Variants in MFN2 observed in about 807,000 individuals in gnomAD.
MFN2 encodes mitofusin-2.
MFN2 carries 43 observed loss-of-function variants against 87.5 expected under a neutral mutation model. The observed-to-expected ratio is 0.49, with a 90% CI of 0.38 to 0.63. MFN2 has a LOEUF of 0.63. Ranked by LOEUF, MFN2 falls within the 30% of genes least tolerant of loss-of-function variation. MFN2 has a pLI of 0.00. For synonymous variants in MFN2, 337 were observed against 359.9 expected (o/e 0.94, Z 0.72); for missense variants, 743 against 972.8 (o/e 0.76, Z 3.14).
chr1:12,005,372 C>T (rs889386477), intron 14 of MFN2, among the ~76,000 whole-genome samples: 10 of 152,248 alleles, frequency 6.6e-5, no homozygotes, highest in Non-Finnish European at 8.8e-5. Context: ...CATGAGCCAC[C>T]GGCCCTGGCC....
At chr1:12,008,579 C>T (rs1218182002) in intron 17 of MFN2, among the ~76,000 whole-genome samples, 3 of 151,434 alleles carry the variant, frequency 2.0e-5, no homozygotes, top group African/African-American at 4.9e-5. Context: ...GGGCGGCTGC[C>T]GGGCAGAGAC....
chr1:12,000,032 G>T (rs1639102985), intron 8 of MFN2, among the ~76,000 whole-genome samples: 2 of 151,848 alleles, frequency 1.3e-5, no homozygotes, highest in African/African-American at 4.8e-5. Context: ...GGGAGGTGGA[G>T]CTTGCAGTGA....
intron 2 of MFN2, among the ~76,000 whole-genome samples, 190 bp from the exon 3 acceptor site, chr1:11,988,975 T>G (rs1202601700): frequency 6.6e-6 from 1 of 152,084 alleles, no homozygotes; most frequent in African/African-American, 2.4e-5. Context: ...GTTCTGAGAT[T>G]ACAGGGGTGA....
rs1638734576 is a variant in MFN2 at position 11,992,562 on chromosome 1, C to T, written c.183C>T (p.Tyr61=). 2.5e-6 allele frequency: 4 copies of T among 1,614,202 alleles called. No homozygotes were observed. Among genetic ancestry groups the T allele is most frequent in the Non-Finnish European group, 3.4e-6 (4 of 1,180,038 alleles). The change falls in exon 4 of 19, where the codon TAC becomes TAT. Residue 61 remains tyrosine, a synonymous_variant. Coordinates refer to ENST00000235329, the MANE Select transcript of MFN2 (RefSeq NM_014874.4). ...QESATFLEDT[Y]RNAELDPVTT... is the part of the protein sequence containing the mutation. The stretch of plus-strand genomic sequence containing the variant: ...TTCAATCCCCACCTCCAGACACGTA[C>T]AGGAATGCAGAACTGGACCCCGTTA...
rs1355374188 is a variant in MFN2 at position 12,012,881 on chromosome 1, C to T, written c.*1316C>T. The T allele has an allele frequency of 6.5e-6, 1 of 153,522 alleles. No homozygotes were observed. The allele number at this position is 153,522 out of a possible 1,614,324, so 9.5% of individuals were successfully genotyped here. On this transcript the variant is annotated 3_prime_UTR_variant, in exon 19 of 19. Transcript: ENST00000235329. ...GATCGCTTCCTAGAAATAAGCAACACCTCTCCCAAAAAGCAGCCCACAAGG... is the reference window on the plus strand; with the variant it reads ...GATCGCTTCCTAGAAATAAGCAACATCTCTCCCAAAAAGCAGCCCACAAGG...
intron 8 of MFN2, 139 bp downstream of exon 8, chr1:11,999,234 C>A: frequency 2.6e-6 from 2 of 763,970 alleles, no homozygotes; most frequent in Non-Finnish European, 4.5e-6. Flanking sequence ...AAATACTCTT[C>A]TGTGGTATCT....
rs1639752964 is a variant in MFN2 at position 12,013,028 on chromosome 1, C to T, written c.*1463C>T. 2 of 273,524 alleles carry T rather than the reference C, an allele frequency of 7.3e-6. No homozygotes were observed. The highest frequency in any genetic ancestry group is 1.3e-3 in the Middle Eastern group (1 of 750). The allele number at this position is 273,524 out of a possible 1,614,324, so 16.9% of individuals were successfully genotyped here. A position where few individuals can be genotyped will look rare whatever the true frequency, so the allele number is the denominator to read the frequency against. On this transcript the variant is annotated 3_prime_UTR_variant, in exon 19 of 19. Coordinates refer to ENST00000235329, the MANE Select transcript of MFN2 (RefSeq NM_014874.4). Reference sequence around the variant, plus strand: ...TCACATACCTGCTTGTATTTAAAGCCCTCAGTCTGTCCTGTTGTGTGGGGC... The same window carrying T: ...TCACATACCTGCTTGTATTTAAAGCTCTCAGTCTGTCCTGTTGTGTGGGGC...
At chr1:11,992,085 G>A (rs1242491908) in intron 3 of MFN2, among the ~76,000 whole-genome samples, 1 of 152,136 alleles carries the variant, frequency 6.6e-6, no homozygotes, top group African/African-American at 2.4e-5. Context: ...TTTGAAAAGT[G>A]AAAGGAACAG....
chr1:11,996,373 C>G lies in MFN2; in HGVS notation c.474+55C>G, dbSNP rs150273510. ...GTGCCTGCTGGGGGAGCAAGTCCTCCGTTGTGACACGGCTGACCTCACCTC... is the reference window on the plus strand; with the variant it reads ...GTGCCTGCTGGGGGAGCAAGTCCTCGGTTGTGACACGGCTGACCTCACCTC... On this transcript the variant is annotated intron_variant, in intron 5 of 18. Transcript: ENST00000235329. 5 of 1,607,486 alleles carry G rather than the reference C, an allele frequency of 3.1e-6. No individual in the cohort carries two copies. The African/African-American group carries it at 6.7e-5, about 21-fold the overall frequency.
At position 11,991,616 on chromosome 1, in the gene MFN2, A is replaced by T. The variant is rs560939282; in HGVS notation, c.176-939A>T. Among the ~76,000 whole-genome samples, 3 of 152,276 alleles carry T rather than the reference A, an allele frequency of 2.0e-5. No homozygotes were observed. In the East Asian group the frequency reaches 5.8e-4, roughly 29 times the overall value. On this transcript the variant is annotated intron_variant, in intron 3 of 18. Coordinates refer to ENST00000235329, the MANE Select transcript of MFN2 (RefSeq NM_014874.4). ...GGCAAGAGGCCAACAGGGCCAGGGC[A>T]GGGAGGGCCTCAAGAAGTGACATAG...
Position 11,992,598 on chromosome 1 carries a change from A to C in MFN2, c.219A>C (p.Glu73Asp). ...AACTGGACCCCGTTACCACAGAAGA[A>C]CAGGTTCTGGACGTCAAAGGTTACC... ...NAELDPVTTE[E>D]QVLDVKGYLS... The change falls in exon 4 of 19, where the codon GAA (glutamate) becomes GAC (aspartate). Residue 73 changes from glutamate to aspartate, a missense_variant. Physicochemically the swap from Glu to Asp is conservative, Grantham distance 45. This residue lies in a region of MFN2 where 141 missense variants were observed against 278.9 expected (regional missense o/e 0.51). Transcript: ENST00000235329. 1 of 1,614,072 alleles carries C rather than the reference A, an allele frequency of 6.2e-7. No individual in the cohort carries two copies. Among genetic ancestry groups the C allele is most frequent in the East Asian group, 2.2e-5 (1 of 44,896 alleles).
Position 11,983,807 on chromosome 1 carries a change from G to A in MFN2, c.-5+1693G>A, listed in dbSNP as rs141725275. On this transcript the variant is annotated intron_variant, in intron 2 of 18. Coordinates refer to ENST00000235329, the MANE Select transcript of MFN2 (RefSeq NM_014874.4). ...GGCATCAGAGGAGGCTTCATGGAGC[G>A]GGTGACACTTGAGTTGGGTCTAGAA... 3.0e-3 allele frequency among the ~76,000 whole-genome samples: 463 copies of A among 152,280 alleles called. 3 individuals are homozygous for A. The highest frequency in any genetic ancestry group is 5.2e-3 in the Non-Finnish European group (351 of 68,014).
rs1375580956 is a variant in MFN2, at chr1:11,982,104, C to T, written c.-15C>T. The stretch of plus-strand genomic sequence containing the variant: ...TGCCTACCCTGTGAAGATCTCTCAC[C>T]ATCCAAAAAAGTAAGTAGTAGCTGT... On this transcript the variant is annotated 5_prime_UTR_variant, in exon 2 of 19. Transcript: ENST00000235329. The T allele has an allele frequency of 6.6e-6, 1 of 151,620 alleles. No homozygotes were observed. The highest frequency in any genetic ancestry group is 2.4e-5 in the African/African-American group (1 of 41,172). 9.4% of individuals were successfully genotyped at this position (151,620 alleles called of 1,614,324 possible). A position where few individuals can be genotyped will look rare whatever the true frequency, so the allele number is the denominator to read the frequency against.
chr1:12,008,244 G>A (rs1420198805), intron 17 of MFN2, among the ~76,000 whole-genome samples: 3 of 152,230 alleles, frequency 2.0e-5, no homozygotes, highest in Admixed American at 6.5e-5. Context: ...ACCATGGCCC[G>A]TTCTCAATGA....
chr1:11,999,872 A>G (rs1639095342), intron 8 of MFN2, among the ~76,000 whole-genome samples: 1 of 151,832 alleles, frequency 6.6e-6, no homozygotes, highest in African/African-American at 2.4e-5. Context: ...ATGTGGGCGG[A>G]TCACGAGGTC....
At chr1:12,005,234 C>T (rs376520070) in intron 14 of MFN2, among the ~76,000 whole-genome samples, 2 of 152,204 alleles carry the variant, frequency 1.3e-5, no homozygotes, top group Non-Finnish European at 2.9e-5. Context: ...GGCGTGACCA[C>T]CACACCTGGC....
intron 8 of MFN2, among the ~76,000 whole-genome samples, chr1:12,000,643 A>G (rs965292870): frequency 3.3e-4 from 50 of 152,290 alleles, no homozygotes; most frequent in African/African-American, 1.2e-3. Context: ...ACAAGAAGCT[A>G]TTGTCACATT....
intron 2 of MFN2, among the ~76,000 whole-genome samples, chr1:11,986,167 T>TCC (rs1638396409): frequency 1.3e-5 from 2 of 152,218 alleles, no homozygotes; most frequent in African/African-American, 4.8e-5. Flanking sequence ...TTGGGATGGT[T>TCC]AGTTACTAAA....
At chr1:11,992,924 C>G (rs957031497) in intron 4 of MFN2, among the ~76,000 whole-genome samples, 4 of 150,512 alleles carry the variant, frequency 2.7e-5, no homozygotes, top group African/African-American at 9.8e-5. Context: ...CCACCTGAGC[C>G]TCCTGAGCAG....
Sources: gnomAD v4.1 joint callset for allele counts (sites outside exome capture counted in the v4.1 genomes callset) on GRCh38, gnomAD v4.1.1 for gene constraint, gnomAD v4.1.1 regional missense constraint, MANE v1.5 for transcripts, NCBI Gene and HGNC (gene_info 2026-07-23, HGNC 2026-07-21) for gene names.